Variants in MDGA1 observed in about 807,000 individuals in gnomAD.
The protein encoded by MDGA1 is MAM domain-containing glycosylphosphatidylinositol anchor protein 1.
A neutral mutation model predicts 101.5 loss-of-function variants in MDGA1; 54 were observed. That is an observed-to-expected ratio of 0.53 (90% confidence interval 0.43 to 0.67). The LOEUF is 0.67. Ranked by LOEUF, MDGA1 falls within the 30% of genes least tolerant of loss-of-function variation. The probability of loss-of-function intolerance (pLI) is 0.00; values close to 1 mark genes in which losing one functional copy is unlikely to be tolerated. For missense variants in MDGA1, 1,083 were observed against 1,323.8 expected (o/e 0.82, Z 2.82); for synonymous variants, 533 against 558.3 (o/e 0.95, Z 0.64).
At chr6:37,692,027 G>A (rs528727187) in intron 1 of MDGA1, among the ~76,000 whole-genome samples, 3 of 152,360 alleles carry the variant, frequency 2.0e-5, no homozygotes, top group African/African-American at 7.2e-5. Flanking sequence ...AGGGACACCG[G>A]GGTGGGTACG....
intron 1 of MDGA1, among the ~76,000 whole-genome samples, chr6:37,695,297 A>G (rs1376264830): frequency 6.6e-6 from 1 of 152,204 alleles, no homozygotes; most frequent in Non-Finnish European, 1.5e-5. Flanking sequence ...GTCCACTGGC[A>G]TCTTCATCTG....
intron 1 of MDGA1, among the ~76,000 whole-genome samples, chr6:37,694,428 A>G (rs1762375720): frequency 6.6e-6 from 1 of 152,208 alleles, no homozygotes. Flanking sequence ...ACCATGCTGG[A>G]TGCTGGATGC....
Position 37,654,811 on chromosome 6 carries a change from G to A in MDGA1, c.701C>T (p.Thr234Ile). 1 of 1,613,796 alleles carries A rather than the reference G, an allele frequency of 6.2e-7. No homozygotes were observed. Among genetic ancestry groups the A allele is most frequent in the Non-Finnish European group, 8.5e-7 (1 of 1,179,822 alleles). ...IPDKAITFRLTNTTAPPALKL... is the reference protein window; with the variant it reads ...IPDKAITFRLINTTAPPALKL... ...GAAAATGCCTGTACCCGTGGTGTTGGTGAGCCGGAAGGTGATGGCCTTGTC... is the reference window on the plus strand; with the variant it reads ...GAAAATGCCTGTACCCGTGGTGTTGATGAGCCGGAAGGTGATGGCCTTGTC... The change falls in exon 5 of 17, where the codon ACC (threonine) becomes ATC (isoleucine). Residue 234 changes from threonine (T) to isoleucine (I), a missense_variant. Thr to Ile is a moderately conservative substitution (Grantham distance 89). Coordinates refer to ENST00000434837, the MANE Select transcript of MDGA1 (RefSeq NM_153487.4).
rs1366648832 is a variant in MDGA1, at chr6:37,697,674, C to G, written c.-863G>C. 1 of 151,354 alleles carries G rather than the reference C, an allele frequency of 6.6e-6. No individual in the cohort carries two copies. Among genetic ancestry groups the G allele is most frequent in the Non-Finnish European group, 1.5e-5 (1 of 67,812 alleles). 9.4% of individuals were successfully genotyped at this position (151,354 alleles called of 1,614,324 possible). A position where few individuals can be genotyped will look rare whatever the true frequency, so the allele number is the denominator to read the frequency against. On this transcript the variant is annotated 5_prime_UTR_variant, in exon 1 of 17. Coordinates refer to ENST00000434837, the MANE Select transcript of MDGA1 (RefSeq NM_153487.4). ...GCTCGCCGCGCTCCTCTCCCGCCGT[C>G]TGGCCGCGGCCGTAGCCCTCCCGGG...
chr6:37,689,521 C>T (rs1261224696), intron 1 of MDGA1, among the ~76,000 whole-genome samples: 1 of 152,220 alleles, frequency 6.6e-6, no homozygotes, highest in Non-Finnish European at 1.5e-5. Flanking sequence ...TCATCACAAG[C>T]CCACGCAGTG....
Position 37,632,061 on chromosome 6 carries a change from T to G in MDGA1, c.*5307A>C, listed in dbSNP as rs1235229080. ...TGGCCTTTGCATATTCTGTTCCCTC[T>G]GCTCAGAAGCCTCTCCCAATCCCAA... On this transcript the variant is annotated 3_prime_UTR_variant, in exon 17 of 17. Coordinates refer to ENST00000434837, the MANE Select transcript of MDGA1 (RefSeq NM_153487.4). 1 of 152,238 alleles carries G rather than the reference T, an allele frequency of 6.6e-6. No homozygotes were observed. Among genetic ancestry groups the G allele is most frequent in the Non-Finnish European group, 1.5e-5 (1 of 68,064 alleles). 9.4% of individuals were successfully genotyped at this position (152,238 alleles called of 1,614,324 possible). A position where few individuals can be genotyped will look rare whatever the true frequency, so the allele number is the denominator to read the frequency against.
At chr6:37,662,858 G>A (rs1173757863) in intron 2 of MDGA1, among the ~76,000 whole-genome samples, 1 of 152,164 alleles carries the variant, frequency 6.6e-6, no homozygotes, top group African/African-American at 2.4e-5. Context: ...GCCTTAGGGA[G>A]AATGACCCAG....
At chr6:37,646,631 G>A (rs2114010808) in intron 10 of MDGA1, among the ~76,000 whole-genome samples, 1 of 152,252 alleles carries the variant, frequency 6.6e-6, no homozygotes, top group African/African-American at 2.4e-5. Flanking sequence ...TACAGATAAG[G>A]AAACTGAGGC....
chr6:37,680,205 C>T (rs1286447923), intron 1 of MDGA1, among the ~76,000 whole-genome samples: 2 of 152,224 alleles, frequency 1.3e-5, no homozygotes, highest in East Asian at 3.8e-4. Context: ...GATCACTTGC[C>T]TGACCCTTCC....
intron 3 of MDGA1, among the ~76,000 whole-genome samples, chr6:37,656,415 C>T (rs1378587045): frequency 6.6e-6 from 1 of 151,676 alleles, no homozygotes; most frequent in Non-Finnish European, 1.5e-5. Context: ...CTCTGTCACC[C>T]AGGCTGAAGG....
intron 12 of MDGA1, among the ~76,000 whole-genome samples, chr6:37,645,288 C>T (rs1465546950): frequency 6.6e-6 from 1 of 152,172 alleles, no homozygotes; most frequent in Non-Finnish European, 1.5e-5. Context: ...AATCCCAGCA[C>T]TTTGGGAGGC....
Position 37,646,164 on chromosome 6 carries a change from G to T in MDGA1, c.2224+34C>A, listed in dbSNP as rs745445315. ...AAAGGGGTCCCTGGCCATGAGATGG[G>T]CCCATCCTTCCTACCGCCACCACTG... On this transcript the variant is annotated intron_variant, in intron 11 of 16. Coordinates refer to ENST00000434837, the MANE Select transcript of MDGA1 (RefSeq NM_153487.4). 7 of 1,559,032 alleles carry T rather than the reference G, an allele frequency of 4.5e-6. No individual in the cohort carries two copies. The South Asian group carries it at 6.1e-5, about 14-fold the overall frequency.
At chr6:37,646,440 AC>A (rs1761200313) in intron 10 of MDGA1, 65 bp from the exon 11 acceptor site, 2 of 1,372,576 alleles carry the variant, frequency 1.5e-6, no homozygotes, top group African/African-American at 2.9e-5. Context: ...CATCTGTGAG[AC>A]AGGACAATCA....
Position 37,679,279 on chromosome 6 carries a change from C to A in MDGA1, c.68-15173G>T, listed in dbSNP as rs547048638. Among the ~76,000 whole-genome samples the A allele has an allele frequency of 1.2e-4, 18 of 152,186 alleles. No individual in the cohort carries two copies. The East Asian group carries it at 3.5e-3, about 29-fold the overall frequency. On this transcript the variant is annotated intron_variant, in intron 1 of 16. Coordinates refer to ENST00000434837, the MANE Select transcript of MDGA1 (RefSeq NM_153487.4). ...CAGGGATGGAGAAGGACAACTGGAC[C>A]AGAGTTCAATCACGGCCAGGGACAG...
chr6:37,667,782 AC>A (rs1202427978), intron 1 of MDGA1, among the ~76,000 whole-genome samples: 3 of 152,174 alleles, frequency 2.0e-5, no homozygotes, highest in African/African-American at 7.2e-5. Flanking sequence ...AGCTTTGGTG[AC>A]AGATAAGGAA....
chr6:37,693,767 C>T (rs906281908), intron 1 of MDGA1, among the ~76,000 whole-genome samples: 26 of 152,246 alleles, frequency 1.7e-4, no homozygotes, highest in African/African-American at 6.0e-4. Flanking sequence ...CAGAGGACAA[C>T]AAACTGGGCC....
chr6:37,644,750 A>G, intron 12 of MDGA1, 101 bp from the exon 13 acceptor site: 5 of 1,234,312 alleles, frequency 4.1e-6, no homozygotes, highest in Non-Finnish European at 4.2e-6. Flanking sequence ...CATGCATCCA[A>G]GCAAGGCACC....
intron 1 of MDGA1, among the ~76,000 whole-genome samples, chr6:37,672,457 C>T (rs567909743): frequency 6.6e-6 from 1 of 152,296 alleles, no homozygotes; most frequent in Non-Finnish European, 1.5e-5. Context: ...AAAGCTCAGC[C>T]AATAATCAAT....
intron 1 of MDGA1, among the ~76,000 whole-genome samples, chr6:37,690,715 T>G (rs1232301560): frequency 6.7e-6 from 1 of 148,442 alleles, no homozygotes; most frequent in Non-Finnish European, 1.5e-5. Context: ...AGGCAAAGGT[T>G]GCGGTGAGCC....
Sources: gnomAD v4.1 joint callset for allele counts (sites outside exome capture counted in the v4.1 genomes callset) on GRCh38, gnomAD v4.1.1 for gene constraint, MANE v1.5 for transcripts, NCBI Gene and HGNC (gene_info 2026-07-23, HGNC 2026-07-21) for gene names.